The following ZNF639 variants were observed in gnomAD, a reference collection of about 807,000 sequenced individuals.
ZNF639 encodes the protein zinc finger amplified in esophageal squamous cell carcinomas 1.
ZNF639 carries 20 observed loss-of-function variants against 39.8 expected under a neutral mutation model. The observed-to-expected ratio is 0.50, with a 90% CI of 0.35 to 0.73. The LOEUF (loss-of-function observed/expected upper bound fraction) is 0.73, where lower values mean the gene tolerates loss of function less well. Among genes scored for constraint, ZNF639 ranks in the 30% least tolerant of loss-of-function variants. The pLI is 0.00. For missense variants in ZNF639, 477 were observed against 566.2 expected (o/e 0.84, Z 1.60); for synonymous variants, 176 against 189.8 (o/e 0.93, Z 0.60).
rs1416523517 is a variant in ZNF639 at position 179,329,732 on chromosome 3, T to C, written c.169+4T>C. ...TTAAAATATTTTGACAACAAAGGTA[T>C]ATCTAATATTTTCGAAAATATGTTT... On this transcript the variant is annotated splice_donor_region_variant and intron_variant, in intron 4 of 5. Coordinates refer to ENST00000496856, the MANE Select transcript of ZNF639 (RefSeq NM_001303426.2). 1 of 1,515,262 alleles carries C rather than the reference T, an allele frequency of 6.6e-7. No individual in the cohort carries two copies. Among genetic ancestry groups the C allele is most frequent in the Non-Finnish European group, 9.0e-7 (1 of 1,113,648 alleles). 93.9% of individuals were successfully genotyped at this position (1,515,262 alleles called of 1,614,324 possible).
intron 1 of ZNF639, chr3:179,325,260 A>C (rs1050655675): frequency 1.6e-4 from 24 of 152,340 alleles, no homozygotes; most frequent in African/African-American, 5.8e-4. Context: ...ACCTCAGGTG[A>C]TCTGTTCGCC....
chr3:179,323,569 C>G (rs1304611602), intron 1 of ZNF639, among the ~76,000 whole-genome samples: 2 of 152,176 alleles, frequency 1.3e-5, no homozygotes, highest in East Asian at 3.9e-4. Context: ...TCCTTGGCGC[C>G]GGCTTCTGGG....
chr3:179,327,045 C>G (rs1163837491), intron 1 of ZNF639, among the ~76,000 whole-genome samples: 2 of 151,808 alleles, frequency 1.3e-5, no homozygotes, highest in African/African-American at 4.8e-5. Context: ...GAAAAATTAG[C>G]CCGGTGTGGT....
At position 179,325,703 on chromosome 3, in the gene ZNF639, C is replaced by T. The variant is rs138054410; in HGVS notation, c.-82-1858C>T. 7.7e-3 allele frequency among the ~76,000 whole-genome samples: 1,171 copies of T among 151,538 alleles called. 8 individuals are homozygous for T. Among genetic ancestry groups the T allele is most frequent in the Non-Finnish European group, 0.013 (864 of 67,890 alleles). ...GGTCAGGAGATCGAGAACATCCTGG[C>T]TAACACGGTGAAACCCCGTCTGTAC... On this transcript the variant is annotated intron_variant, in intron 1 of 5. Coordinates refer to ENST00000496856, the MANE Select transcript of ZNF639 (RefSeq NM_001303426.2).
rs191652622 is a variant in ZNF639, at chr3:179,335,395, G to A, written c.*973G>A. On this transcript the variant is annotated 3_prime_UTR_variant, in exon 6 of 6. Transcript: ENST00000496856. ...GCATGAGCCATTATGCCTGACTCTT[G>A]CCCAAATTTCTGATGTCAAATTGTT... 1.3e-5 allele frequency: 2 copies of A among 152,250 alleles called. No homozygotes were observed. Among genetic ancestry groups the A allele is most frequent in the East Asian group, 3.9e-4 (2 of 5,192 alleles). The allele number at this position is 152,250 out of a possible 1,614,324, so 9.4% of individuals were successfully genotyped here. A position where few individuals can be genotyped will look rare whatever the true frequency, so the allele number is the denominator to read the frequency against.
In ZNF639 at chr3:179,337,018, T is replaced by G. The variant is rs9867380; in HGVS notation, c.*2596T>G. 106,482 of 151,906 alleles carry G rather than the reference T, an allele frequency of 0.7. 37,620 individuals are homozygous for G. The highest frequency in any genetic ancestry group is 0.77 in the Admixed American group (11,815 of 15,262). The allele number at this position is 151,906 out of a possible 1,614,324, so 9.4% of individuals were successfully genotyped here. On this transcript the variant is annotated 3_prime_UTR_variant, in exon 6 of 6. Coordinates refer to ENST00000496856, the MANE Select transcript of ZNF639 (RefSeq NM_001303426.2). ...CCACGCCTCTAATCCCAGCACTTTG[T>G]GGGTGGCTGAGATGGGCAGATCACG... is the stretch of plus-strand genomic sequence containing the variant.
At chr3:179,325,780 C>T (rs1286598186) in intron 1 of ZNF639, among the ~76,000 whole-genome samples, 1 of 152,026 alleles carries the variant, frequency 6.6e-6, no homozygotes, top group East Asian at 1.9e-4. Context: ...ACTTGGGAGG[C>T]TGAGGCAGGA....
chr3:179,324,651 C>A (rs943038914), intron 1 of ZNF639, among the ~76,000 whole-genome samples: 1 of 152,194 alleles, frequency 6.6e-6, no homozygotes, highest in African/African-American at 2.4e-5. Context: ...TCGTTCGGCC[C>A]TAAGTAGGAG....
chr3:179,323,019 C>T (rs549362445), upstream of ZNF639: 9,827 of 985,180 alleles, frequency 1.0e-2, 52 homozygotes, highest in Non-Finnish European at 0.011. Context: ...CCCGCCCTCT[C>T]GGCGGGCCCC....
Position 179,328,289 on chromosome 3 carries a change from A to G in ZNF639, c.-5A>G. The G allele has an allele frequency of 6.4e-7, 1 of 1,554,080 alleles. No individual in the cohort carries two copies. The highest frequency in any genetic ancestry group is 8.8e-7 in the Non-Finnish European group (1 of 1,139,404). On this transcript the variant is annotated 5_prime_UTR_variant, in exon 3 of 6. Coordinates refer to ENST00000496856, the MANE Select transcript of ZNF639 (RefSeq NM_001303426.2). ...ATTTTTTCTCGTTTTTTAGATTGAAAAGATATGAATGAGTATCCTAAAAAA... is the reference window on the plus strand; with the variant it reads ...ATTTTTTCTCGTTTTTTAGATTGAAGAGATATGAATGAGTATCCTAAAAAA...
Position 179,334,446 on chromosome 3 carries a change from G to A in ZNF639, c.*24G>A. ...GATTATTCTCTTTAACTTACAGAAT[G>A]TTAGTTTAAAATAATAAATTCATCC... On this transcript the variant is annotated 3_prime_UTR_variant, in exon 6 of 6. Transcript: ENST00000496856. The A allele has an allele frequency of 1.4e-6, 2 of 1,467,542 alleles. No individual in the cohort carries two copies. Among genetic ancestry groups the A allele is most frequent in the Admixed American group, 5.1e-5 (2 of 39,292 alleles). 90.9% of individuals were successfully genotyped at this position (1,467,542 alleles called of 1,614,324 possible). A position where few individuals can be genotyped will look rare whatever the true frequency, so the allele number is the denominator to read the frequency against.
intron 4 of ZNF639, among the ~76,000 whole-genome samples, chr3:179,331,211 CTATT>C (rs1267506324): frequency 6.6e-6 from 1 of 152,180 alleles, no homozygotes; most frequent in Non-Finnish European, 1.5e-5. Context: ...AAACTGAAAA[CTATT>C]TGGGGACAAA....
At chr3:179,326,351 A>C (rs1727592080) in intron 1 of ZNF639, among the ~76,000 whole-genome samples, 1 of 152,032 alleles carries the variant, frequency 6.6e-6, no homozygotes. Context: ...ACAGAGCAAG[A>C]CTCCGTTTCA....
At position 179,332,995 on chromosome 3, in the gene ZNF639, A is replaced by G; in HGVS notation, c.176A>G (p.Asp59Gly). The change falls in exon 5 of 6, where the codon GAT (aspartate) becomes GGT (glycine). Residue 59 changes from aspartate to glycine, a missense_variant. Asp to Gly is a moderately conservative substitution (Grantham distance 94, BLOSUM62 -1). Coordinates refer to ENST00000496856, the MANE Select transcript of ZNF639 (RefSeq NM_001303426.2). ...TCCAAATCCCTTTTTACAGATGATG[A>G]TTCTGATACCGAGACGTCAAATGAC... is the stretch of plus-strand genomic sequence containing the variant. ...DLKYFDNKDD[D>G]SDTETSNDLP... 6.5e-7 allele frequency: 1 copy of G among 1,546,884 alleles called. No individual in the cohort carries two copies. The highest frequency in any genetic ancestry group is 1.2e-5 in the South Asian group (1 of 82,648).
At chr3:179,329,590 C>A (rs1727789180) in intron 3 of ZNF639, 28 bp from the exon 4 acceptor site, 1 of 1,348,340 alleles carries the variant, frequency 7.4e-7, no homozygotes, top group Non-Finnish European at 1.1e-6. Context: ...GTTTACTGTA[C>A]TTGAAATATT....
chr3:179,334,598 T>A lies in ZNF639; in HGVS notation c.*176T>A. The stretch of plus-strand genomic sequence containing the variant: ...CATTTTCTGTATATAAATATATCTT[T>A]AATGTGGTATTTTCAATTGCGTGAT... On this transcript the variant is annotated 3_prime_UTR_variant, in exon 6 of 6. Transcript: ENST00000496856. 2.5e-6 allele frequency: 1 copy of A among 401,278 alleles called. No individual in the cohort carries two copies. The allele number at this position is 401,278 out of a possible 1,614,324, so 24.9% of individuals were successfully genotyped here. A position where few individuals can be genotyped will look rare whatever the true frequency, so the allele number is the denominator to read the frequency against.
rs1268633527 is a variant in ZNF639, at chr3:179,328,892, C to CAGCCTCCAAGT, written c.58+548_58+549insAAGTAGCCTCC. Among the ~76,000 whole-genome samples, 12 of 151,722 alleles carry CAGCCTCCAAGT rather than the reference C, an allele frequency of 7.9e-5. No individual in the cohort carries two copies. The South Asian group carries it at 1.0e-3, about 13-fold the overall frequency. ...CTGGGTTCAAGTGATTCTCCTGCCT[C>CAGCCTCCAAGT]AGCCTCCCAAGTAGCTGGGATTACA... is the stretch of plus-strand genomic sequence containing the variant. On this transcript the variant is annotated intron_variant, in intron 3 of 5. Transcript: ENST00000496856.
Position 179,333,893 on chromosome 3 carries a change from A to G in ZNF639, c.929A>G (p.Glu310Gly), listed in dbSNP as rs1728067318. 1.2e-6 allele frequency: 2 copies of G among 1,614,084 alleles called. No homozygotes were observed. Among genetic ancestry groups the G allele is most frequent in the Non-Finnish European group, 1.7e-6 (2 of 1,180,038 alleles). The change falls in exon 6 of 6, where the codon GAG becomes GGG. Residue 310 changes from glutamate to glycine, a missense_variant. Physicochemically the swap from Glu to Gly is moderately conservative, Grantham distance 98. Coordinates refer to ENST00000496856, the MANE Select transcript of ZNF639 (RefSeq NM_001303426.2). ...SSSELYLHFQ[E>G]HSCDEQYLCQ... The stretch of plus-strand genomic sequence containing the variant: ...AGTGAACTCTACCTACATTTCCAGG[A>G]GCACAGCTGTGATGAACAGTACTTG...
chr3:179,329,825 C>A, intron 4 of ZNF639, 97 bp downstream of exon 4: 3 of 503,792 alleles, frequency 6.0e-6, no homozygotes, highest in Non-Finnish European at 1.1e-5. Context: ...TTGATGATTT[C>A]AAAACAGACA....
Sources: gnomAD v4.1 joint callset for allele counts (sites outside exome capture counted in the v4.1 genomes callset) on GRCh38, gnomAD v4.1.1 for gene constraint, MANE v1.5 for transcripts, NCBI Gene and HGNC (gene_info 2026-07-23, HGNC 2026-07-21) for gene names.